ZNF469: variants seen among roughly 807,000 people sequenced by gnomAD.
The protein encoded by ZNF469 is zinc finger protein 469.
ZNF469 carries 1 observed loss-of-function variant against 1.0 expected under a neutral mutation model. That is an observed-to-expected ratio of 1.00 (90% confidence interval 0.35 to 4.73). The LOEUF (loss-of-function observed/expected upper bound fraction) is 4.73, where lower values mean the gene tolerates loss of function less well. ZNF469 is among the 30% of genes most tolerant of loss of function. ZNF469 has a pLI of 0.16. For synonymous variants in ZNF469, 2,703 were observed against 2,363.4 expected, an observed-to-expected ratio of 1.14 and a Z score of -4.17; for missense variants, 6,100 against 5,356.3, an observed-to-expected ratio of 1.14 and a Z score of -4.33.
chr16:88,168,950 A>T, the ZNF469 span, among the ~76,000 whole-genome samples: 1 of 152,058 alleles, frequency 6.6e-6, no homozygotes, highest in Non-Finnish European at 1.5e-5. The surrounding 1 kb of genome is among the most constrained non-coding windows in gnomAD (Gnocchi z 4.3). Flanking sequence ...TAAGAATTAG[A>T]ATCTGAAAGG....
chr16:88,178,878 A>G, the ZNF469 span: 1 of 149,504 alleles, frequency 6.7e-6, no homozygotes, highest in Non-Finnish European at 1.5e-5. Context: ...CTTCACCTGG[A>G]GGCCGCCCAC....
chr16:88,353,194 T>C, the ZNF469 span, among the ~76,000 whole-genome samples: 2 of 152,164 alleles, frequency 1.3e-5, no homozygotes, highest in East Asian at 3.9e-4. Context: ...TAAGTCTCAC[T>C]GCAGAGAGAG....
At chr16:88,224,294 G>A in the ZNF469 span, among the ~76,000 whole-genome samples, 10 of 152,216 alleles carry the variant, frequency 6.6e-5, no homozygotes, top group Admixed American at 3.3e-4. Flanking sequence ...TTATAGTGGC[G>A]AGGCAGGGTG....
the ZNF469 span, among the ~76,000 whole-genome samples, chr16:88,144,102 G>A: frequency 9.2e-5 from 14 of 152,324 alleles, no homozygotes; most frequent in Admixed American, 3.9e-4. Flanking sequence ...CAGAGGAGGG[G>A]ATGGAAGAGG....
At chr16:88,308,713 G>A in the ZNF469 span, among the ~76,000 whole-genome samples, 4 of 152,170 alleles carry the variant, frequency 2.6e-5, no homozygotes, top group African/African-American at 9.7e-5. Context: ...TGAGGTCCAT[G>A]GGATGCAAAG....
chr16:88,375,939 G>C, the ZNF469 span, among the ~76,000 whole-genome samples: 1 of 152,282 alleles, frequency 6.6e-6, no homozygotes, highest in African/African-American at 2.4e-5. Context: ...CCGGACTGGA[G>C]TGGATAAGCC....
the ZNF469 span, among the ~76,000 whole-genome samples, chr16:88,333,799 A>C: frequency 4.4e-5 from 6 of 137,252 alleles, no homozygotes; most frequent in East Asian, 1.2e-3. Flanking sequence ...AGCACTTCAC[A>C]CACTTGAGCA....
Position 88,432,147 on chromosome 16 carries a change from G to C in ZNF469, c.4677G>C (p.Glu1559Asp). The change falls in exon 3 of 3, where the codon GAG becomes GAC. Residue 1559 changes from glutamate (E) to aspartate (D), a missense_variant. By Grantham distance (45) the Glu-to-Asp change is conservative. Coordinates refer to ENST00000565624, the MANE Select transcript of ZNF469 (RefSeq NM_001367624.2). ...CSVALMSHLSEDELEIQKLVT... is the reference protein window; with the variant it reads ...CSVALMSHLSDDELEIQKLVT... Reference sequence around the variant, plus strand: ...TTGCTCTTATGAGTCACCTGTCCGAGGATGAACTGGAGATCCAGAAATTGG... The same window carrying C: ...TTGCTCTTATGAGTCACCTGTCCGACGATGAACTGGAGATCCAGAAATTGG... 1.3e-6 allele frequency: 2 copies of C among 1,550,354 alleles called. No homozygotes were observed. Among genetic ancestry groups the C allele is most frequent in the Non-Finnish European group, 1.7e-6 (2 of 1,146,982 alleles).
At chr16:88,390,389 G>C (rs1178605096) in intron 1 of ZNF469, among the ~76,000 whole-genome samples, 1 of 152,204 alleles carries the variant, frequency 6.6e-6, no homozygotes, top group African/African-American at 2.4e-5. Flanking sequence ...CAGTCAGAGG[G>C]GTTGGGGGAG....
the ZNF469 span, among the ~76,000 whole-genome samples, chr16:88,140,475 A>AATCGGACGGTAGCACGGAG: frequency 7.6e-6 from 1 of 132,226 alleles, no homozygotes; most frequent in African/African-American, 4.4e-5. Flanking sequence ...TAGCACGGAA[A>AATCGGACGGTAGCACGGAG]GTCAGTGACA....
chr16:88,200,192 C>T, the ZNF469 span, among the ~76,000 whole-genome samples: 8 of 152,160 alleles, frequency 5.3e-5, no homozygotes, highest in African/African-American at 1.4e-4. Context: ...GCAGGCTTCA[C>T]GCAGAAGGCG....
rs1905029769 is a variant in ZNF469, at chr16:88,406,372, T to C, written c.-191-18435T>C. On this transcript the variant is annotated intron_variant, in intron 1 of 2. Coordinates refer to ENST00000565624, the MANE Select transcript of ZNF469 (RefSeq NM_001367624.2). The stretch of plus-strand genomic sequence containing the variant: ...GTATGTGTGCCTCAGTTTACCTGCC[T>C]ATCCAAGTGCCCTGCAGTGCCCCCC... Among the ~76,000 whole-genome samples, 3 of 152,194 alleles carry C rather than the reference T, an allele frequency of 2.0e-5. No individual in the cohort carries two copies. The South Asian group carries it at 6.2e-4, about 32-fold the overall frequency.
intron 1 of ZNF469, among the ~76,000 whole-genome samples, chr16:88,402,980 T>A (rs1904926255): frequency 6.6e-6 from 1 of 152,184 alleles, no homozygotes; most frequent in South Asian, 2.1e-4. Context: ...CCCGGGAAGA[T>A]GAAGCAGCAA....
chr16:88,216,144 T>C, the ZNF469 span, among the ~76,000 whole-genome samples: 241 of 152,286 alleles, frequency 1.6e-3, 1 homozygote, highest in African/African-American at 5.5e-3. Context: ...ATTTTTAAGA[T>C]GATTTTCGCT....
chr16:88,155,495 C>T, the ZNF469 span, among the ~76,000 whole-genome samples: 1 of 152,204 alleles, frequency 6.6e-6, no homozygotes, highest in Non-Finnish European at 1.5e-5. Context: ...CCTCTGGCAA[C>T]CAGTCCTCTG....
the ZNF469 span, among the ~76,000 whole-genome samples, chr16:88,254,048 G>A: frequency 6.6e-6 from 1 of 151,176 alleles, no homozygotes; most frequent in Non-Finnish European, 1.5e-5. Flanking sequence ...TTTCTTTTCT[G>A]GTTATTACTT....
the ZNF469 span, among the ~76,000 whole-genome samples, chr16:88,252,932 G>A: frequency 6.6e-6 from 1 of 152,278 alleles, no homozygotes; most frequent in East Asian, 1.9e-4. Flanking sequence ...GCCTTTTCTT[G>A]AACTTCCTTT....
In ZNF469 at chr16:88,438,655, G is replaced by C. The variant is rs273585629; in HGVS notation, c.11185G>C (p.Gly3729Arg). ...MKPATPKAKP[G>R]PSSQGSGSPR... ...GCCCGCCACCCCCAAAGCCAAACCC[G>C]GCCCCAGCTCCCAGGGCAGTGGAAG... Residue 3729 changes from glycine to arginine, a missense_variant, in exon 3 of 3, where the codon GGC becomes CGC. Transcript: ENST00000565624. The C allele has an allele frequency of 6.5e-7, 1 of 1,549,982 alleles. No individual in the cohort carries two copies. Among genetic ancestry groups the C allele is most frequent in the East Asian group, 2.4e-5 (1 of 40,888 alleles).
Position 88,429,427 on chromosome 16 carries a change from C to A in ZNF469, c.1957C>A (p.Pro653Thr), listed in dbSNP as rs1484524963. ...ETGSPFPSPEPPHSLPTHYQP... is the reference protein window; with the variant it reads ...ETGSPFPSPETPHSLPTHYQP... ...GGGCAGCCCCTTCCCGTCCCCGGAG[C>A]CCCCCCACTCCCTCCCCACCCACTA... Residue 653 changes from proline to threonine, a missense_variant, in exon 3 of 3, where the codon CCC becomes ACC. Coordinates refer to ENST00000565624, the MANE Select transcript of ZNF469 (RefSeq NM_001367624.2). 6.6e-7 allele frequency: 1 copy of A among 1,519,150 alleles called. No individual in the cohort carries two copies. The highest frequency in any genetic ancestry group is 2.0e-5 in the Admixed American group (1 of 50,676). The allele number at this position is 1,519,150 out of a possible 1,614,324, so 94.1% of individuals were successfully genotyped here. A position where few individuals can be genotyped will look rare whatever the true frequency, so the allele number is the denominator to read the frequency against.
Sources: allele counts gnomAD v4.1 joint callset (sites outside exome capture counted in the v4.1 genomes callset), GRCh38; gene constraint gnomAD v4.1.1; non-coding constraint Gnocchi (gnomAD v3.1); transcripts MANE v1.5; gene names NCBI Gene and HGNC (gene_info 2026-07-23, HGNC 2026-07-21).